Variants in MICAL3 observed in about 807,000 individuals in gnomAD.
The protein encoded by MICAL3 is microtubule associated monooxygenase, calponin and LIM domain containing 3.
Under a neutral mutation model 207.4 loss-of-function variants are expected in MICAL3, and 62 were observed. That is an observed-to-expected ratio of 0.30 (90% CI 0.24 to 0.37). MICAL3 has a LOEUF of 0.37. Ranked by LOEUF, MICAL3 falls within the 10% of genes least tolerant of loss-of-function variation. The probability of loss-of-function intolerance (pLI) is 1.00; values close to 1 mark genes in which losing one functional copy is unlikely to be tolerated. For synonymous variants in MICAL3, 1,077 were observed against 1,069.3 expected, an observed-to-expected ratio of 1.01 and a Z score of -0.14; for missense variants, 2,368 against 2,635.6, an observed-to-expected ratio of 0.90 and a Z score of 2.22.
chr22:17,865,228 A>T (rs1472147865), intron 18 of MICAL3, among the ~76,000 whole-genome samples: 1 of 151,992 alleles, frequency 6.6e-6, no homozygotes, highest in East Asian at 1.9e-4. Context: ...CTCCCACCTC[A>T]GCCTCCTGAG....
At chr22:17,965,504 TG>T (rs1236696805) in intron 1 of MICAL3, among the ~76,000 whole-genome samples, 1 of 152,224 alleles carries the variant, frequency 6.6e-6, no homozygotes, top group Non-Finnish European at 1.5e-5. Context: ...CTGATGAAGA[TG>T]AGGCCCCCAG....
intron 1 of MICAL3, among the ~76,000 whole-genome samples, chr22:18,021,548 C>T (rs946692933): frequency 6.6e-6 from 1 of 152,204 alleles, no homozygotes; most frequent in Admixed American, 6.5e-5. Context: ...CAAAATGATG[C>T]ATGCATGGCT....
intron 29 of MICAL3, among the ~76,000 whole-genome samples, chr22:17,806,456 A>G (rs966445068): frequency 9.2e-5 from 14 of 152,222 alleles, no homozygotes; most frequent in Admixed American, 7.8e-4. Context: ...ACTGTGGAAA[A>G]AAAAAAAAAA....
chr22:17,927,376 A>G (rs1368891429), intron 1 of MICAL3, among the ~76,000 whole-genome samples: 2 of 152,144 alleles, frequency 1.3e-5, no homozygotes, highest in South Asian at 2.1e-4. Context: ...ACTGTGCACA[A>G]TGCTGCCATA....
chr22:17,830,276 C>T (rs1169088358), intron 21 of MICAL3, among the ~76,000 whole-genome samples: 1 of 152,132 alleles, frequency 6.6e-6, no homozygotes, highest in African/African-American at 2.4e-5. Flanking sequence ...CGTCGGCTGC[C>T]CGACAGACAC....
At chr22:17,935,284 A>T (rs1224491911) in intron 1 of MICAL3, among the ~76,000 whole-genome samples, 2 of 152,170 alleles carry the variant, frequency 1.3e-5, no homozygotes, top group African/African-American at 4.8e-5. Flanking sequence ...ACACATCTAC[A>T]ACCATCTGAT....
At chr22:17,823,636 T>C (rs1181940516) in intron 22 of MICAL3, among the ~76,000 whole-genome samples, 1 of 152,192 alleles carries the variant, frequency 6.6e-6, no homozygotes, top group African/African-American at 2.4e-5. Context: ...ATTAAAAATA[T>C]TATATAAAAT....
At chr22:17,807,548 T>A (rs551655607) in intron 29 of MICAL3, among the ~76,000 whole-genome samples, 1 of 152,312 alleles carries the variant, frequency 6.6e-6, no homozygotes, top group African/African-American at 2.4e-5. Flanking sequence ...AACATCCACA[T>A]CCTCACCTTT....
intron 16 of MICAL3, among the ~76,000 whole-genome samples, chr22:17,881,496 C>T (rs1929429002): frequency 6.6e-6 from 1 of 152,184 alleles, no homozygotes; most frequent in African/African-American, 2.4e-5. Context: ...CTGATAGGCA[C>T]AGCCACAGGG....
chr22:17,976,583 A>ATT (rs1214780677), intron 1 of MICAL3, among the ~76,000 whole-genome samples: 24 of 87,662 alleles, frequency 2.7e-4, no homozygotes, highest in South Asian at 6.8e-4. Flanking sequence ...ATATATATAT[A>ATT]TATATATTTT....
intron 1 of MICAL3, among the ~76,000 whole-genome samples, chr22:18,021,659 G>A (rs1016648483): frequency 6.6e-6 from 1 of 152,184 alleles, no homozygotes; most frequent in Non-Finnish European, 1.5e-5. Context: ...GGGAGGGAGT[G>A]TGTAGTCAGT....
chr22:17,915,868 G>A (rs944942293), intron 1 of MICAL3, among the ~76,000 whole-genome samples: 2 of 151,734 alleles, frequency 1.3e-5, no homozygotes, highest in Admixed American at 6.6e-5. Context: ...GAAGCAGGAG[G>A]ATTGCTTCAG....
In MICAL3 at chr22:17,918,967, T is replaced by C. The variant is rs139027353; in HGVS notation, c.-74-12081A>G. On this transcript the variant is annotated intron_variant, in intron 1 of 31. Coordinates refer to ENST00000441493, the MANE Select transcript of MICAL3 (RefSeq NM_015241.3). Reference sequence around the variant, plus strand: ...ATATATTCAAATGCCAGCTTCTCAGTGTGGACTTCCCTGGTCACATCGTTT... The same window carrying C: ...ATATATTCAAATGCCAGCTTCTCAGCGTGGACTTCCCTGGTCACATCGTTT... 4.4e-4 allele frequency among the ~76,000 whole-genome samples: 67 copies of C among 152,298 alleles called. 1 individual carries two copies. Among genetic ancestry groups the C allele is most frequent in the African/African-American group, 1.6e-3 (67 of 41,550 alleles).
intron 1 of MICAL3, among the ~76,000 whole-genome samples, chr22:17,955,513 G>A (rs116153024): frequency 7.1e-4 from 108 of 152,374 alleles, no homozygotes; most frequent in African/African-American, 2.4e-3. Context: ...GGAGGAAGCT[G>A]TGTGTGGCAG....
chr22:17,821,335 C>T (rs1921621240), intron 25 of MICAL3, 92 bp downstream of exon 25: 1 of 1,149,838 alleles, frequency 8.7e-7, no homozygotes. Context: ...CTTGGTGGGA[C>T]CCACACCATG....
chr22:17,876,928 GGGAGGTTAGGGAGGTTAT>G (rs1928563345), intron 16 of MICAL3: 8 of 56,502 alleles, frequency 1.4e-4, no homozygotes, highest in Non-Finnish European at 2.9e-4. Flanking sequence ...ATGGAGGTTA[GGGAGGTTAGGGAGGTTAT>G]GGAGGTTATG....
chr22:17,935,184 C>G (rs1933456239), intron 1 of MICAL3, among the ~76,000 whole-genome samples: 1 of 152,152 alleles, frequency 6.6e-6, no homozygotes, highest in Non-Finnish European at 1.5e-5. Flanking sequence ...AACTATACTA[C>G]AAGGCTACAG....
chr22:17,868,767 A>G (rs1325270796), intron 17 of MICAL3, among the ~76,000 whole-genome samples: 1 of 152,154 alleles, frequency 6.6e-6, no homozygotes, highest in African/African-American at 2.4e-5. Context: ...CCGTTCATTC[A>G]TTCATTCACC....
intron 1 of MICAL3, among the ~76,000 whole-genome samples, chr22:17,913,475 G>A (rs898379345): frequency 3.9e-5 from 6 of 152,258 alleles, no homozygotes; most frequent in African/African-American, 1.2e-4. Context: ...CTACCAAAAC[G>A]TGGTATCCAG....
Sources: gnomAD v4.1 joint callset for allele counts (sites outside exome capture counted in the v4.1 genomes callset) on GRCh38, gnomAD v4.1.1 for gene constraint, MANE v1.5 for transcripts, NCBI Gene and HGNC (gene_info 2026-07-23, HGNC 2026-07-21) for gene names.